SUCLG2: variants seen among roughly 807,000 people sequenced by gnomAD.
The protein encoded by SUCLG2 is succinate--CoA ligase [GDP-forming] subunit beta, mitochondrial.
Under a neutral mutation model 47.9 loss-of-function variants are expected in SUCLG2, and 42 were observed. The observed-to-expected ratio is 0.88, with a 90% CI of 0.69 to 1.14. The LOEUF is 1.14. Among genes scored for constraint, SUCLG2 ranks in the 50% most tolerant of loss-of-function variants. The pLI, the probability that SUCLG2 is intolerant of heterozygous loss-of-function variation, is 0.00. For synonymous variants in SUCLG2, 195 were observed against 197.3 expected, an observed-to-expected ratio of 0.99 and a Z score of 0.10; for missense variants, 571 against 525.9, an observed-to-expected ratio of 1.09 and a Z score of -0.84.
intron 2 of SUCLG2, among the ~76,000 whole-genome samples, chr3:67,557,974 TA>T (rs1353382716): frequency 6.6e-6 from 1 of 152,190 alleles, no homozygotes; most frequent in African/African-American, 2.4e-5. Flanking sequence ...TGAATATGAT[TA>T]AACTGCTTCC....
At chr3:67,500,449 C>T (rs879594321) in intron 7 of SUCLG2, among the ~76,000 whole-genome samples, 4 of 152,200 alleles carry the variant, frequency 2.6e-5, no homozygotes, top group Non-Finnish European at 5.9e-5. Context: ...CTGCTTAAAT[C>T]CTTAGTCTTG....
At chr3:67,574,318 T>C (rs186196844) in intron 2 of SUCLG2, among the ~76,000 whole-genome samples, 6 of 152,352 alleles carry the variant, frequency 3.9e-5, no homozygotes, top group Middle Eastern at 3.4e-3. Flanking sequence ...TTCCAGGGCT[T>C]ACGACATGGA....
chr3:67,635,182 T>C (rs1399944261), intron 1 of SUCLG2, among the ~76,000 whole-genome samples: 3 of 152,216 alleles, frequency 2.0e-5, no homozygotes, highest in East Asian at 1.9e-4. Flanking sequence ...AAAATCTTCA[T>C]GACACACCAG....
intron 9 of SUCLG2, among the ~76,000 whole-genome samples, chr3:67,405,065 C>T (rs1384556835): frequency 6.7e-6 from 1 of 149,562 alleles, no homozygotes; most frequent in Non-Finnish European, 1.5e-5. Flanking sequence ...GGAACAGAGG[C>T]TTTTTCTAAT....
At chr3:67,511,393 GAGGGACCCAGTGGGAGGTAACTGAATCAT>G (rs1336168439) in intron 6 of SUCLG2, among the ~76,000 whole-genome samples, 2 of 152,168 alleles carry the variant, frequency 1.3e-5, no homozygotes, top group East Asian at 3.9e-4. Flanking sequence ...CGTGTTGCAG[GAGGGACCCAGTGGGAGGTAACTGAATCAT>G]GGGGACGGGA....
At chr3:67,594,955 A>G (rs1161994127) in intron 2 of SUCLG2, among the ~76,000 whole-genome samples, 6 of 152,336 alleles carry the variant, frequency 3.9e-5, no homozygotes, top group African/African-American at 1.2e-4. Context: ...ATGAAATAAT[A>G]CCTCAAGATC....
intron 1 of SUCLG2, among the ~76,000 whole-genome samples, chr3:67,628,304 G>A (rs933789915): frequency 3.3e-5 from 5 of 152,146 alleles, no homozygotes; most frequent in African/African-American, 7.2e-5. Flanking sequence ...GTAGGCATTC[G>A]ATTTAGTTTT....
At chr3:67,584,865 T>C (rs180845083) in intron 2 of SUCLG2, among the ~76,000 whole-genome samples, 39 of 152,170 alleles carry the variant, frequency 2.6e-4, no homozygotes, top group African/African-American at 9.2e-4. Context: ...ACTCACTCAC[T>C]ATCACAAGAA....
intron 2 of SUCLG2, among the ~76,000 whole-genome samples, chr3:67,576,936 A>T (rs1450017519): frequency 6.6e-6 from 1 of 150,644 alleles, no homozygotes; most frequent in Non-Finnish European, 1.5e-5. Context: ...TTTTTTTTAC[A>T]AAAAGCCCAA....
At chr3:67,604,730 T>TA (rs1708491340) in intron 2 of SUCLG2, among the ~76,000 whole-genome samples, 1 of 152,132 alleles carries the variant, frequency 6.6e-6, no homozygotes, top group Admixed American at 6.5e-5. Flanking sequence ...CATGAACAAG[T>TA]GGTCAACAGA....
intron 9 of SUCLG2, among the ~76,000 whole-genome samples, chr3:67,459,388 C>T (rs370301213): frequency 1.8e-4 from 28 of 152,292 alleles, no homozygotes; most frequent in African/African-American, 6.0e-4. Flanking sequence ...AAATCTACTT[C>T]CCAGGCCAAT....
At chr3:67,496,701 A>G (rs1363498597) in intron 8 of SUCLG2, among the ~76,000 whole-genome samples, 1 of 152,182 alleles carries the variant, frequency 6.6e-6, no homozygotes, top group Non-Finnish European at 1.5e-5. Flanking sequence ...GAGAGTTTTA[A>G]TATCAAAAGT....
intron 9 of SUCLG2, among the ~76,000 whole-genome samples, chr3:67,440,131 A>G (rs965803122): frequency 2.6e-5 from 4 of 152,242 alleles, no homozygotes; most frequent in African/African-American, 9.6e-5. Flanking sequence ...GCAATGGGGA[A>G]AAGATTCCCT....
intron 6 of SUCLG2, among the ~76,000 whole-genome samples, chr3:67,510,984 G>A (rs1291365219): frequency 2.7e-5 from 4 of 150,432 alleles, no homozygotes; most frequent in South Asian, 2.1e-4. Flanking sequence ...TCCACCTGCC[G>A]GGTTCAAGCA....
intron 10 of SUCLG2, among the ~76,000 whole-genome samples, chr3:67,397,780 C>T (rs1174612824): frequency 6.6e-6 from 1 of 152,146 alleles, no homozygotes; most frequent in Non-Finnish European, 1.5e-5. Flanking sequence ...TACTACAAGG[C>T]TACAGTAACC....
At chr3:67,484,277 A>G (rs1704995526) in intron 9 of SUCLG2, among the ~76,000 whole-genome samples, 1 of 152,122 alleles carries the variant, frequency 6.6e-6, no homozygotes, top group Non-Finnish European at 1.5e-5. Context: ...AGACTGCCCC[A>G]TTGTATTACA....
chr3:67,454,961 CAAAAAAAAAA>C (rs61683854), intron 9 of SUCLG2, among the ~76,000 whole-genome samples: 1 of 111,614 alleles, frequency 9.0e-6, no homozygotes. Context: ...GACTCCGTCT[CAAAAAAAAAA>C]AAAAAAAAAA....
intron 9 of SUCLG2, among the ~76,000 whole-genome samples, chr3:67,447,371 G>C (rs1703951752): frequency 6.6e-6 from 1 of 152,304 alleles, no homozygotes; most frequent in Middle Eastern, 3.4e-3. Context: ...GTGTAGGAAT[G>C]AGTTTTTTTC....
chr3:67,597,681 T>A (rs759873315), intron 2 of SUCLG2, among the ~76,000 whole-genome samples: 8 of 152,130 alleles, frequency 5.3e-5, no homozygotes, highest in Non-Finnish European at 1.0e-4. Context: ...GGCTCACGTC[T>A]GTGGTCCCAG....
Sources: gnomAD v4.1 joint callset for allele counts (sites outside exome capture counted in the v4.1 genomes callset) on GRCh38, gnomAD v4.1.1 for gene constraint, MANE v1.5 for transcripts, NCBI Gene and HGNC (gene_info 2026-07-23, HGNC 2026-07-21) for gene names.